The following LHFPL6 variants were observed in gnomAD, a reference collection of about 807,000 sequenced individuals.
LHFPL6 encodes the protein LHFPL tetraspan subfamily member 6 protein.
Under a neutral mutation model 20.6 loss-of-function variants are expected in LHFPL6, and 9 were observed. That is an observed-to-expected ratio of 0.44 (90% CI 0.26 to 0.76). The LOEUF (loss-of-function observed/expected upper bound fraction) is 0.76, where lower values mean the gene tolerates loss of function less well. Among genes scored for constraint, LHFPL6 ranks in the 30% least tolerant of loss-of-function variants. The pLI is 0.20. For synonymous variants in LHFPL6, 105 were observed against 98.7 expected, an observed-to-expected ratio of 1.06 and a Z score of -0.38; for missense variants, 218 against 253.5, an observed-to-expected ratio of 0.86 and a Z score of 0.95.
chr13:39,494,570 G>A (rs986589732), intron 2 of LHFPL6, among the ~76,000 whole-genome samples: 4 of 152,084 alleles, frequency 2.6e-5, no homozygotes, highest in Non-Finnish European at 5.9e-5. Context: ...TATAAAATCA[G>A]GTTGGAGTTT....
intron 2 of LHFPL6, among the ~76,000 whole-genome samples, chr13:39,540,308 T>G (rs1350030314): frequency 6.6e-6 from 1 of 152,136 alleles, no homozygotes; most frequent in Non-Finnish European, 1.5e-5. Flanking sequence ...TATGTATTAG[T>G]TAGGAGTCTT....
At chr13:39,416,187 C>T (rs566843351) in intron 2 of LHFPL6, among the ~76,000 whole-genome samples, 1 of 152,262 alleles carries the variant, frequency 6.6e-6, no homozygotes, top group Admixed American at 6.5e-5. Flanking sequence ...GAAAAATAAT[C>T]TGAACAATTT....
At chr13:39,553,153 T>G (rs1871191369) in intron 2 of LHFPL6, among the ~76,000 whole-genome samples, 1 of 152,194 alleles carries the variant, frequency 6.6e-6, no homozygotes, top group South Asian at 2.1e-4. Flanking sequence ...AGAAAATCAT[T>G]CATTTTAGTC....
At chr13:39,399,117 T>C (rs78916530) in intron 2 of LHFPL6, among the ~76,000 whole-genome samples, 4,932 of 152,286 alleles carry the variant, frequency 0.032, 129 homozygotes, top group Non-Finnish European at 0.053. Flanking sequence ...AAAAATCCTA[T>C]GGTTATCCAG....
chr13:39,561,740 G>C (rs1351528634), intron 2 of LHFPL6, among the ~76,000 whole-genome samples: 1 of 152,186 alleles, frequency 6.6e-6, no homozygotes, highest in Non-Finnish European at 1.5e-5. Flanking sequence ...TTACAGGTGT[G>C]AACCATGGCA....
At chr13:39,480,860 T>C (rs886103253) in intron 2 of LHFPL6, among the ~76,000 whole-genome samples, 3 of 152,212 alleles carry the variant, frequency 2.0e-5, no homozygotes, top group Non-Finnish European at 4.4e-5. Context: ...AAATGGTACA[T>C]ACTACATCAG....
chr13:39,597,264 G>C (rs1171974369), intron 2 of LHFPL6, among the ~76,000 whole-genome samples: 1 of 152,180 alleles, frequency 6.6e-6, no homozygotes, highest in Admixed American at 6.5e-5. Flanking sequence ...AAGATGAAAT[G>C]TACACATTCA....
intron 2 of LHFPL6, among the ~76,000 whole-genome samples, chr13:39,391,478 ATGTG>A (rs748358926): frequency 2.0e-5 from 3 of 151,700 alleles, no homozygotes; most frequent in African/African-American, 7.3e-5. Context: ...ATAAGGATTT[ATGTG>A]TGTGTGTGTG....
At chr13:39,415,252 C>T (rs893555275) in intron 2 of LHFPL6, among the ~76,000 whole-genome samples, 9 of 152,120 alleles carry the variant, frequency 5.9e-5, no homozygotes, top group Non-Finnish European at 1.0e-4. Context: ...TGACACAGAA[C>T]GCAGAGTGAA....
At chr13:39,407,411 G>GT (rs1009258039) in intron 2 of LHFPL6, among the ~76,000 whole-genome samples, 20 of 152,166 alleles carry the variant, frequency 1.3e-4, no homozygotes, top group Admixed American at 3.9e-4. Flanking sequence ...TCTGCAGCAA[G>GT]TAAGTTTTCC....
At position 39,552,009 on chromosome 13, in the gene LHFPL6, C is replaced by T. The variant is rs745867121; in HGVS notation, c.385+48823G>A. 2.6e-5 allele frequency among the ~76,000 whole-genome samples: 4 copies of T among 152,146 alleles called. No individual in the cohort carries two copies. In the South Asian group the frequency reaches 6.2e-4, roughly 24 times the overall value. ...ACTTCCTTAATTATGAGTGAATTAGCTATATACTGCTGGCCTATTCTTTTT... is the reference window on the plus strand; with the variant it reads ...ACTTCCTTAATTATGAGTGAATTAGTTATATACTGCTGGCCTATTCTTTTT... On this transcript the variant is annotated intron_variant, in intron 2 of 3. Coordinates refer to ENST00000379589, the MANE Select transcript of LHFPL6 (RefSeq NM_005780.3).
At chr13:39,560,920 C>T (rs549606070) in intron 2 of LHFPL6, among the ~76,000 whole-genome samples, 4 of 152,166 alleles carry the variant, frequency 2.6e-5, no homozygotes, top group African/African-American at 7.2e-5. Flanking sequence ...TCCCTGCTGA[C>T]TGGAGTCTTA....
chr13:39,548,856 G>A (rs1221965188), intron 2 of LHFPL6, among the ~76,000 whole-genome samples: 1 of 152,024 alleles, frequency 6.6e-6, no homozygotes, highest in African/African-American at 2.4e-5. Flanking sequence ...TGGAAATGCA[G>A]GAGCCACTCT....
Position 39,455,863 on chromosome 13 carries a change from T to TA in LHFPL6, c.386-77338dup, listed in dbSNP as rs1304378814. ...ATGAACAAAACACATAAGAAACAAA[T>TA]AAAAAAATCAGAAATTTGATTAAAT... On this transcript the variant is annotated intron_variant, in intron 2 of 3. Transcript: ENST00000379589. Among the ~76,000 whole-genome samples the TA allele has an allele frequency of 2.6e-5, 4 of 151,986 alleles. No homozygotes were observed. The South Asian group carries it at 6.2e-4, about 24-fold the overall frequency.
At chr13:39,421,101 C>CAA (rs200758245) in intron 2 of LHFPL6, among the ~76,000 whole-genome samples, 4 of 20,534 alleles carry the variant, frequency 1.9e-4, no homozygotes, top group East Asian at 0.062. Context: ...ATAACAACAA[C>CAA]AACAAAAAAA....
At chr13:39,359,766 A>G (rs376130123) in intron 3 of LHFPL6, among the ~76,000 whole-genome samples, 2 of 151,916 alleles carry the variant, frequency 1.3e-5, no homozygotes, top group East Asian at 1.9e-4. Flanking sequence ...ATGTACCCCC[A>G]GAATCTAAAA....
intron 2 of LHFPL6, among the ~76,000 whole-genome samples, chr13:39,576,192 C>A (rs1282342040): frequency 6.6e-6 from 1 of 152,138 alleles, no homozygotes; most frequent in Non-Finnish European, 1.5e-5. Flanking sequence ...AATTTAAAAT[C>A]ATTTTAACAG....
intron 2 of LHFPL6, among the ~76,000 whole-genome samples, chr13:39,513,225 T>C (rs888462901): frequency 6.6e-6 from 1 of 152,236 alleles, no homozygotes; most frequent in African/African-American, 2.4e-5. Context: ...AGTTGTTCTT[T>C]TAAAACAGTT....
intron 2 of LHFPL6, among the ~76,000 whole-genome samples, chr13:39,507,108 G>A (rs1869511718): frequency 6.6e-6 from 1 of 152,190 alleles, no homozygotes; most frequent in African/African-American, 2.4e-5. Context: ...TAGCTTACTG[G>A]GAAAATGCAA....
Sources: gnomAD v4.1 joint callset for allele counts (sites outside exome capture counted in the v4.1 genomes callset) on GRCh38, gnomAD v4.1.1 for gene constraint, MANE v1.5 for transcripts, NCBI Gene and HGNC (gene_info 2026-07-23, HGNC 2026-07-21) for gene names.